The following BCO1 variants were observed in gnomAD, a reference collection of about 807,000 sequenced individuals.
BCO1 encodes the protein beta,beta-carotene 15,15'-dioxygenase.
A neutral mutation model predicts 56.3 loss-of-function variants in BCO1; 54 were observed. The observed-to-expected ratio is 0.96, with a 90% CI of 0.77 to 1.20. BCO1 has a LOEUF of 1.20. Ranked by LOEUF, BCO1 falls within the 50% of genes most tolerant of loss-of-function variation. The pLI, the probability that BCO1 is intolerant of heterozygous loss-of-function variation, is 0.00. For missense variants in BCO1, 801 were observed against 690.9 expected (o/e 1.16, Z -1.79); for synonymous variants, 318 against 266.1 (o/e 1.20, Z -1.90).
rs377258076 is a variant in BCO1, at chr16:81,238,896, G to A, written c.-13G>A. On this transcript the variant is annotated 5_prime_UTR_variant, in exon 1 of 11. Transcript: ENST00000258168. ...TTTGCTGTTAAAATCGATCTCCCTC[G>A]GCACCCTGAGCAATGGATATAATAT... 3.7e-5 allele frequency: 59 copies of A among 1,613,736 alleles called. 1 individual carries two copies. Among genetic ancestry groups the A allele is most frequent in the African/African-American group, 2.7e-4 (20 of 74,984 alleles).
At chr16:81,287,175 C>G (rs998325084) in intron 9 of BCO1, 120 bp from the exon 10 acceptor site, 2 of 808,202 alleles carry the variant, frequency 2.5e-6, no homozygotes, top group Non-Finnish European at 4.3e-6. Flanking sequence ...GAGACTACGT[C>G]AAAAGTCTAC....
At chr16:81,261,083 A>G (rs1906455558) in intron 3 of BCO1, among the ~76,000 whole-genome samples, 1 of 152,164 alleles carries the variant, frequency 6.6e-6, no homozygotes, top group Admixed American at 6.5e-5. Context: ...TGCAAATAGG[A>G]GGTGTGGAGT....
intron 7 of BCO1, among the ~76,000 whole-genome samples, chr16:81,271,449 G>A (rs749402399): frequency 6.6e-5 from 10 of 152,084 alleles, no homozygotes; most frequent in Non-Finnish European, 1.5e-4. Context: ...ACAGCCTTTG[G>A]TATGTTTTCA....
At chr16:81,274,617 G>A (rs1008228375) in intron 7 of BCO1, among the ~76,000 whole-genome samples, 2 of 151,146 alleles carry the variant, frequency 1.3e-5, no homozygotes, top group Admixed American at 6.6e-5. Flanking sequence ...AGTGGCTCAC[G>A]CCTGTAATCC....
chr16:81,259,611 C>G, intron 2 of BCO1, 65 bp from the exon 3 acceptor site: 3 of 1,609,420 alleles, frequency 1.9e-6, no homozygotes, highest in East Asian at 2.2e-5. Flanking sequence ...CATACAAGGA[C>G]TGACATTGAT....
At chr16:81,283,076 C>G (rs1422924838) in intron 8 of BCO1, among the ~76,000 whole-genome samples, 1 of 152,190 alleles carries the variant, frequency 6.6e-6, no homozygotes, top group Admixed American at 6.5e-5. Flanking sequence ...TCTCTTATCC[C>G]AGAGCCCATT....
chr16:81,251,890 G>GTGTGTA (rs1286111425), intron 2 of BCO1, among the ~76,000 whole-genome samples: 75 of 150,390 alleles, frequency 5.0e-4, no homozygotes, highest in African/African-American at 1.5e-3. Context: ...GTGTGTGTGT[G>GTGTGTA]TATATATATC....
intron 1 of BCO1, among the ~76,000 whole-genome samples, chr16:81,241,173 G>C (rs1359580248): frequency 6.6e-6 from 1 of 151,984 alleles, no homozygotes; most frequent in East Asian, 1.9e-4. Flanking sequence ...AATTAGCCAG[G>C]CATGGTGGTG....
At chr16:81,265,788 A>T (rs894388380) in intron 5 of BCO1, among the ~76,000 whole-genome samples, 2 of 95,792 alleles carry the variant, frequency 2.1e-5, no homozygotes, top group African/African-American at 4.4e-5. Flanking sequence ...CTTATCCACC[A>T]TCCATCCATT....
At position 81,275,934 on chromosome 16, in the gene BCO1, G is replaced by T. The variant is rs1228365085; in HGVS notation, c.1102-4923G>T. Among the ~76,000 whole-genome samples the T allele has an allele frequency of 2.6e-5, 4 of 152,260 alleles. No individual in the cohort carries two copies. The East Asian group carries it at 5.8e-4, about 22-fold the overall frequency. On this transcript the variant is annotated intron_variant, in intron 7 of 10. Coordinates refer to ENST00000258168, the MANE Select transcript of BCO1 (RefSeq NM_017429.3). Reference sequence around the variant, plus strand: ...CAGTGGCGGGGTGTGGCTGGGAGGGGTGTGGGCAGGGGTGGGTCATCTGGA... The same window carrying T: ...CAGTGGCGGGGTGTGGCTGGGAGGGTTGTGGGCAGGGGTGGGTCATCTGGA...
chr16:81,267,856 G>T lies in BCO1; in HGVS notation c.620-52G>T, dbSNP rs572365034. On this transcript the variant is annotated intron_variant, in intron 5 of 10. Transcript: ENST00000258168. Reference sequence around the variant, plus strand: ...GTAGGTGATGGTGGTGTGGTCTTGGGGGGGCAGCCAGATCCTGCACAATTC... The same window carrying T: ...GTAGGTGATGGTGGTGTGGTCTTGGTGGGGCAGCCAGATCCTGCACAATTC... 7 of 1,536,648 alleles carry T rather than the reference G, an allele frequency of 4.6e-6. No individual in the cohort carries two copies. The East Asian group carries it at 6.8e-5, about 15-fold the overall frequency.
At position 81,270,176 on chromosome 16, in the gene BCO1, C is replaced by G. The variant is rs747012263; in HGVS notation, c.861C>G (p.Ile287Met). Residue 287 changes from isoleucine to methionine, a missense_variant, in exon 7 of 11, where the codon ATC becomes ATG. Transcript: ENST00000258168. ...HREEKTYIHI[I>M]DQRTRQPVQT... ...TTTTTCAGACTTATATCCACATCAT[C>G]GACCAAAGGACCAGGCAGCCTGTGC... 3 of 1,614,152 alleles carry G rather than the reference C, an allele frequency of 1.9e-6. No individual in the cohort carries two copies. The highest frequency in any genetic ancestry group is 2.2e-5 in the East Asian group (1 of 44,870).
chr16:81,271,116 T>TA (rs200827349), intron 7 of BCO1, among the ~76,000 whole-genome samples: 36,617 of 115,236 alleles, frequency 0.32, 5,046 homozygotes, highest in East Asian at 0.59. Flanking sequence ...TTATTTATTT[T>TA]TTTTTTTATT....
intron 9 of BCO1, among the ~76,000 whole-genome samples, chr16:81,286,061 A>G (rs1597376720): frequency 2.0e-5 from 3 of 152,032 alleles, no homozygotes; most frequent in Middle Eastern, 3.4e-3. Context: ...TTTAAAAAAA[A>G]AATACAGAAA....
rs746587790 is a variant in BCO1, at chr16:81,268,119, C to G, written c.831C>G (p.His277Gln). ...GCTGGGCCTCCTGCCTGGCTTTCCACAGGGAGGAGAAGGTGAGGTCTGGCT... is the reference window on the plus strand; with the variant it reads ...GCTGGGCCTCCTGCCTGGCTTTCCAGAGGGAGGAGAAGGTGAGGTCTGGCT... ...RMSWASCLAF[H>Q]REEKTYIHII... Residue 277 changes from histidine to glutamine, a missense_variant, in exon 6 of 11, where the codon CAC becomes CAG. Transcript: ENST00000258168. 1 of 1,608,972 alleles carries G rather than the reference C, an allele frequency of 6.2e-7. No individual in the cohort carries two copies. Among genetic ancestry groups the G allele is most frequent in the Non-Finnish European group, 8.5e-7 (1 of 1,179,944 alleles).
chr16:81,275,203 G>C (rs1268047174), intron 7 of BCO1, among the ~76,000 whole-genome samples: 3 of 152,246 alleles, frequency 2.0e-5, no homozygotes, highest in African/African-American at 4.8e-5. Flanking sequence ...CTCTGGGCCT[G>C]AGGCCTTTGC....
rs1011835349 is a variant in BCO1 at position 81,286,903 on chromosome 16, G to A, written c.1303-392G>A. ...ACCAACCTGGCTATGGTGAAACCCCGTCTCTACTAAAAATACAAAAAATCA... is the reference window on the plus strand; with the variant it reads ...ACCAACCTGGCTATGGTGAAACCCCATCTCTACTAAAAATACAAAAAATCA... On this transcript the variant is annotated intron_variant, in intron 9 of 10. Transcript: ENST00000258168. Among the ~76,000 whole-genome samples the A allele has an allele frequency of 5.3e-5, 8 of 151,240 alleles. No homozygotes were observed. The South Asian group carries it at 6.3e-4, about 12-fold the overall frequency.
At chr16:81,263,083 GGGGCTATGTGT>G (rs2151937664) in intron 4 of BCO1, 1 of 150,856 alleles carries the variant, frequency 6.6e-6, no homozygotes, top group East Asian at 2.0e-4. Context: ...CTCTCCTTAT[GGGGCTATGTGT>G]CCAAATGTTC....
chr16:81,285,226 T>C (rs1227089040), intron 8 of BCO1, among the ~76,000 whole-genome samples: 1 of 152,250 alleles, frequency 6.6e-6, no homozygotes, highest in African/African-American at 2.4e-5. Context: ...TTTAAGAAAT[T>C]GCAGTAGCCT....
Sources: gnomAD v4.1 joint callset for allele counts (sites outside exome capture counted in the v4.1 genomes callset) on GRCh38, gnomAD v4.1.1 for gene constraint, MANE v1.5 for transcripts, NCBI Gene and HGNC (gene_info 2026-07-23, HGNC 2026-07-21) for gene names.